Variants in CRPPA observed in about 807,000 individuals in gnomAD.
The protein encoded by CRPPA is CDP-L-ribitol pyrophosphorylase A, also known as D-ribitol-5-phosphate cytidylyltransferase.
CRPPA carries 43 observed loss-of-function variants against 52.0 expected under a neutral mutation model. The ratio of observed to expected loss-of-function variants is 0.83; its 90% CI spans 0.65 to 1.07. The LOEUF (loss-of-function observed/expected upper bound fraction) is 1.07, where lower values mean the gene tolerates loss of function less well. Ranked by LOEUF, CRPPA falls within the 50% of genes least tolerant of loss-of-function variation. The pLI is 0.00. For missense variants in CRPPA, 629 were observed against 551.7 expected, an observed-to-expected ratio of 1.14 and a Z score of -1.40; for synonymous variants, 250 against 203.5, an observed-to-expected ratio of 1.23 and a Z score of -1.94.
At chr7:16,368,021 C>G (rs570606772) in intron 3 of CRPPA, among the ~76,000 whole-genome samples, 2 of 152,246 alleles carry the variant, frequency 1.3e-5, no homozygotes, top group South Asian at 2.1e-4. Flanking sequence ...TTCTAAAATT[C>G]TCTATGTACA....
intron 9 of CRPPA, chr7:16,209,192 T>C (rs1231608673): frequency 6.2e-6 from 2 of 321,468 alleles, no homozygotes; most frequent in East Asian, 8.8e-5. Flanking sequence ...TCTAAGAGAA[T>C]GCTAGCTATC....
chr7:16,137,313 C>T (rs1283993219), intron 9 of CRPPA, among the ~76,000 whole-genome samples: 3 of 152,214 alleles, frequency 2.0e-5, no homozygotes, highest in Non-Finnish European at 2.9e-5. Context: ...CCTTGAACTT[C>T]CCAGCTTCCA....
At chr7:16,171,396 T>C (rs898583765) in intron 9 of CRPPA, among the ~76,000 whole-genome samples, 1 of 152,202 alleles carries the variant, frequency 6.6e-6, no homozygotes, top group Admixed American at 6.5e-5. Flanking sequence ...TGTTGATTTT[T>C]AAACTCAAAA....
intron 9 of CRPPA, among the ~76,000 whole-genome samples, chr7:16,116,048 G>T (rs34612021): frequency 6.6e-6 from 1 of 151,886 alleles, no homozygotes; most frequent in Non-Finnish European, 1.5e-5. Flanking sequence ...TAAAATTATC[G>T]TGTAATGGTA....
At chr7:16,261,597 T>C (rs1783802829) in intron 6 of CRPPA, among the ~76,000 whole-genome samples, 1 of 150,582 alleles carries the variant, frequency 6.6e-6, no homozygotes, top group South Asian at 2.1e-4. Flanking sequence ...TTGGAGCAAT[T>C]TTTTTTTTTA....
At chr7:16,100,804 T>C (rs764361744) in intron 9 of CRPPA, among the ~76,000 whole-genome samples, 2 of 152,206 alleles carry the variant, frequency 1.3e-5, no homozygotes, top group African/African-American at 2.4e-5. Flanking sequence ...TACGTAGCTC[T>C]TATTATTTTG....
chr7:16,286,109 T>TAC (rs1235649258), intron 5 of CRPPA, among the ~76,000 whole-genome samples: 10 of 114,068 alleles, frequency 8.8e-5, no homozygotes, highest in Non-Finnish European at 1.6e-4. Context: ...TATATATATA[T>TAC]ATATATATGC....
intron 8 of CRPPA, among the ~76,000 whole-genome samples, chr7:16,252,896 G>A (rs1783499879): frequency 6.6e-6 from 1 of 152,146 alleles, no homozygotes; most frequent in African/African-American, 2.4e-5. Flanking sequence ...TTGAGTAGAG[G>A]TGTTCATAGT....
chr7:16,254,423 T>C (rs1379560459), intron 8 of CRPPA, among the ~76,000 whole-genome samples: 2 of 152,090 alleles, frequency 1.3e-5, no homozygotes, highest in East Asian at 3.9e-4. Flanking sequence ...AAATGATGAG[T>C]TCATGTCCTT....
At chr7:16,399,340 T>C (rs1787725470) in intron 2 of CRPPA, among the ~76,000 whole-genome samples, 1 of 151,202 alleles carries the variant, frequency 6.6e-6, no homozygotes, top group African/African-American at 2.4e-5. Flanking sequence ...AGAGTGTGAT[T>C]GACACATGAC....
At position 16,294,085 on chromosome 7, in the gene CRPPA, C is replaced by CT. The variant is rs935912170; in HGVS notation, c.835+7335dup. 9.9e-5 allele frequency among the ~76,000 whole-genome samples: 15 copies of CT among 151,494 alleles called. 1 individual carries two copies. Among genetic ancestry groups the CT allele is most frequent in the Admixed American group, 5.9e-4 (9 of 15,160 alleles). On this transcript the variant is annotated intron_variant, in intron 5 of 9. Coordinates refer to ENST00000407010, the MANE Select transcript of CRPPA (RefSeq NM_001101426.4). ...TCATCAGAGCTGTATCAATACCATACTTTTTTTTTCTTTTCAAAGTATATA... is the reference window on the plus strand; with the variant it reads ...TCATCAGAGCTGTATCAATACCATACTTTTTTTTTTCTTTTCAAAGTATATA...
intron 3 of CRPPA, among the ~76,000 whole-genome samples, chr7:16,372,447 A>T (rs2128311385): frequency 6.6e-6 from 1 of 152,302 alleles, no homozygotes; most frequent in African/African-American, 2.4e-5. Context: ...CAGCCAAACT[A>T]AGCTTCATAA....
chr7:16,118,724 C>G (rs1782427004), intron 9 of CRPPA, among the ~76,000 whole-genome samples: 1 of 152,040 alleles, frequency 6.6e-6, no homozygotes, highest in Non-Finnish European at 1.5e-5. Flanking sequence ...ACAAAGTTTC[C>G]CAAGGCATTG....
intron 8 of CRPPA, among the ~76,000 whole-genome samples, chr7:16,237,039 C>T (rs1335505255): frequency 6.6e-6 from 1 of 152,068 alleles, no homozygotes; most frequent in Non-Finnish European, 1.5e-5. Flanking sequence ...CTTCATCTGC[C>T]TATTCAACCT....
intron 2 of CRPPA, among the ~76,000 whole-genome samples, chr7:16,399,604 G>A (rs1583579879): frequency 1.3e-5 from 2 of 152,096 alleles, no homozygotes; most frequent in East Asian, 1.9e-4. Context: ...CGATTGGCAT[G>A]TGTCCAACAC....
At chr7:16,251,894 A>G (rs1783462491) in intron 8 of CRPPA, among the ~76,000 whole-genome samples, 1 of 152,190 alleles carries the variant, frequency 6.6e-6, no homozygotes, top group Non-Finnish European at 1.5e-5. Flanking sequence ...GAACTGAAGG[A>G]GATAGAGACA....
chr7:16,416,550 A>G (rs75154956), intron 1 of CRPPA, among the ~76,000 whole-genome samples: 5,252 of 152,308 alleles, frequency 0.034, 313 homozygotes, highest in African/African-American at 0.12. Context: ...GCTTCTGCAC[A>G]GCAGCCAGGT....
Position 16,353,987 on chromosome 7 carries a change from T to C in CRPPA, c.684+22105A>G, listed in dbSNP as rs571092072. On this transcript the variant is annotated intron_variant, in intron 3 of 9. Transcript: ENST00000407010. ...CATCACATTGTACCACATATATATATACAATTATCAAAAAAATAACCAAAC... is the reference window on the plus strand; with the variant it reads ...CATCACATTGTACCACATATATATACACAATTATCAAAAAAATAACCAAAC... 8.5e-5 allele frequency among the ~76,000 whole-genome samples: 13 copies of C among 152,164 alleles called. No individual in the cohort carries two copies. The South Asian group carries it at 2.1e-3, about 24-fold the overall frequency.
intron 3 of CRPPA, among the ~76,000 whole-genome samples, chr7:16,342,917 G>A (rs889250391): frequency 8.4e-6 from 1 of 118,976 alleles, no homozygotes; most frequent in East Asian, 2.1e-4. Flanking sequence ...GTACGTGCCT[G>A]TAGTCCCACC....
Sources: gnomAD v4.1 joint callset for allele counts (sites outside exome capture counted in the v4.1 genomes callset) on GRCh38, gnomAD v4.1.1 for gene constraint, MANE v1.5 for transcripts, NCBI Gene and HGNC (gene_info 2026-07-23, HGNC 2026-07-21) for gene names.